Variants in PCDHGB3 observed in about 807,000 individuals in gnomAD.
PCDHGB3 encodes the protein protocadherin gamma subfamily B, 3.
Under a neutral mutation model 59.2 loss-of-function variants are expected in PCDHGB3, and 40 were observed. The observed-to-expected ratio is 0.68, with a 90% CI of 0.52 to 0.88. PCDHGB3 has a LOEUF of 0.88. Among genes scored for constraint, PCDHGB3 ranks in the 40% least tolerant of loss-of-function variants. The pLI is 0.00. For synonymous variants in PCDHGB3, 581 were observed against 503.6 expected (o/e 1.15, Z -2.06); for missense variants, 1,309 against 1,187.9 (o/e 1.10, Z -1.50).
At chr5:141,383,749 A>G in intron 1 of PCDHGB3, 1 of 1,614,008 alleles carries the variant, frequency 6.2e-7, no homozygotes, top group South Asian at 1.1e-5. Context: ...TTTTCGGAAA[A>G]TAACTCCTAA....
intron 1 of PCDHGB3, among the ~76,000 whole-genome samples, chr5:141,449,606 A>AG (rs1263111904): frequency 2.0e-5 from 3 of 150,702 alleles, no homozygotes; most frequent in Non-Finnish European, 3.0e-5. Flanking sequence ...AAAAAAAAAA[A>AG]AGTAAAAAAG....
At chr5:141,399,311 A>C in intron 1 of PCDHGB3, 1 of 1,613,970 alleles carries the variant, frequency 6.2e-7, no homozygotes, top group Non-Finnish European at 8.5e-7. Context: ...TCTTCATCCA[A>C]AAATTCGTAT....
chr5:141,398,525 T>A, intron 1 of PCDHGB3: 1 of 1,613,440 alleles, frequency 6.2e-7, no homozygotes, highest in Non-Finnish European at 8.5e-7. Flanking sequence ...ACGCCAAAAT[T>A]CACGCAAAAT....
intron 1 of PCDHGB3, among the ~76,000 whole-genome samples, chr5:141,450,815 A>ATTATTAT (rs1554136868): frequency 7.9e-6 from 1 of 126,684 alleles, no homozygotes; most frequent in African/African-American, 3.3e-5. Context: ...TATTTATTTA[A>ATTATTAT]TATTATTATT....
intron 1 of PCDHGB3, chr5:141,383,199 G>T (rs574670513): frequency 6.2e-7 from 1 of 1,614,040 alleles, no homozygotes; most frequent in South Asian, 1.1e-5. Flanking sequence ...CTCAGAGTGC[G>T]CGGTGTCTGG....
At chr5:141,408,615 T>A in intron 1 of PCDHGB3, 1 of 1,613,940 alleles carries the variant, frequency 6.2e-7, no homozygotes, top group Non-Finnish European at 8.5e-7. Flanking sequence ...AAAAAGGAAA[T>A]ACATTTAGAA....
intron 1 of PCDHGB3, chr5:141,392,857 T>C: frequency 5.0e-6 from 8 of 1,612,536 alleles, no homozygotes; most frequent in Non-Finnish European, 6.8e-6. Flanking sequence ...GAGCTGATCC[T>C]GCTGTGCGCG....
chr5:141,505,523 G>A, intron 3 of PCDHGB3, 42 bp downstream of exon 3: 1 of 1,612,760 alleles, frequency 6.2e-7, no homozygotes, highest in Middle Eastern at 1.7e-4. Flanking sequence ...GGGAGACCTG[G>A]GGTTCTGGGG....
At chr5:141,421,184 C>T (rs2096551183) in intron 1 of PCDHGB3, 4 of 1,457,822 alleles carry the variant, frequency 2.7e-6, no homozygotes, top group Non-Finnish European at 3.7e-6. Context: ...CGATTCACAA[C>T]CAACCAGCTC....
At position 141,371,085 on chromosome 5, in the gene PCDHGB3, A is replaced by T; in HGVS notation, c.691A>T (p.Ile231Phe). 6.2e-7 allele frequency: 1 copy of T among 1,613,830 alleles called. No individual in the cohort carries two copies. The highest frequency in any genetic ancestry group is 8.5e-7 in the Non-Finnish European group (1 of 1,179,786). The change falls in exon 1 of 4, where the codon ATT (isoleucine) becomes TTT (phenylalanine). Residue 231 changes from isoleucine (I) to phenylalanine (F), a missense_variant. By Grantham distance (21) the Ile-to-Phe change is conservative. Transcript: ENST00000576222. ...AAGCTGTACCACCCAGATCAGGGTA[A>T]TTGTCGCAGATGCAAATGATAACCC... ...SRSCTTQIRV[I>F]VADANDNPPV... is the part of the protein sequence containing the mutation.
At chr5:141,507,262 G>A (rs1294679320) in intron 3 of PCDHGB3, 6 of 151,748 alleles carry the variant, frequency 4.0e-5, no homozygotes, top group Non-Finnish European at 8.8e-5. Flanking sequence ...TAAACAGCAA[G>A]TACTATTTCA....
At chr5:141,419,797 A>G (rs371201079) in intron 1 of PCDHGB3, 14 of 1,613,920 alleles carry the variant, frequency 8.7e-6, no homozygotes, top group Non-Finnish European at 1.1e-5. Flanking sequence ...TAGTCGCTGT[A>G]AGAGATGGAG....
At chr5:141,428,186 CCGCTCTCTGCGCCGCTA>C (rs1167279209) in intron 1 of PCDHGB3, 1 of 1,460,956 alleles carries the variant, frequency 6.8e-7, no homozygotes, top group Admixed American at 1.8e-5. Context: ...AGGACAGCCG[CCGCTCTCTGCGCCGCTA>C]CGCTTCACCT....
In PCDHGB3 at chr5:141,383,199, G is replaced by A. The variant is rs574670513; in HGVS notation, c.2415+10390G>A. The stretch of plus-strand genomic sequence containing the variant: ...GGGAAGAGATCTGCGCTCAGAGTGC[G>A]CGGTGTCTGGTAAACTTTAACATCC... On this transcript the variant is annotated intron_variant, in intron 1 of 3. Transcript: ENST00000576222. 6.2e-6 allele frequency: 10 copies of A among 1,614,040 alleles called. No homozygotes were observed. The East Asian group carries it at 1.8e-4, about 29-fold the overall frequency.
In PCDHGB3 at chr5:141,490,963, G is replaced by GC; in HGVS notation, c.2416-3838dup. 6.2e-7 allele frequency: 1 copy of GC among 1,613,760 alleles called. No individual in the cohort carries two copies. On this transcript the variant is annotated intron_variant, in intron 1 of 3. Transcript: ENST00000576222. This position sits in a 1 kb window ranked among gnomAD's most constrained non-coding sequence, Gnocchi z 5.4. ...CCCACGGCCAGACTGGGAACACTCA[G>GC]CCCCCCAGCGTCTCCCTCGCTCTGC...
intron 1 of PCDHGB3, chr5:141,378,136 CATT>C (rs1561579952): frequency 6.6e-6 from 1 of 152,158 alleles, no homozygotes; most frequent in Non-Finnish European, 1.5e-5. Context: ...TTGACATCAC[CATT>C]ATTATAATTA....
At chr5:141,398,675 A>C (rs1462726875) in intron 1 of PCDHGB3, 1 of 1,613,974 alleles carries the variant, frequency 6.2e-7, no homozygotes, top group Non-Finnish European at 8.5e-7. Flanking sequence ...TTAATAATTA[A>C]GGAGAAACAG....
intron 1 of PCDHGB3, chr5:141,427,791 G>T (rs763294539): frequency 1.3e-6 from 2 of 1,488,082 alleles, no homozygotes; most frequent in South Asian, 1.1e-5. Context: ...GTCGTCCTAC[G>T]TGTCCGTGAG....
chr5:141,426,970 A>G (rs772659046), intron 1 of PCDHGB3: 1 of 456,742 alleles, frequency 2.2e-6, no homozygotes. Context: ...ATTCAAATTG[A>G]GGTCACTGAT....
Sources: gnomAD v4.1 joint callset for allele counts (sites outside exome capture counted in the v4.1 genomes callset) on GRCh38, gnomAD v4.1.1 for gene constraint, Gnocchi (gnomAD v3.1) non-coding constraint, MANE v1.5 for transcripts, NCBI Gene and HGNC (gene_info 2026-07-23, HGNC 2026-07-21) for gene names.